The following ERC1 variants were observed in gnomAD, a reference collection of about 807,000 sequenced individuals.
ERC1 encodes the protein RAB6 interacting protein 2.
In ERC1, 56 loss-of-function variants were observed where a neutral mutation model predicts 132.0. The ratio of observed to expected loss-of-function variants is 0.42; its 90% CI spans 0.34 to 0.53. ERC1 has a LOEUF of 0.53. Among genes scored for constraint, ERC1 ranks in the 20% least tolerant of loss-of-function variants. The pLI is 0.03. For missense variants in ERC1, 1,202 were observed against 1,349.9 expected (o/e 0.89, Z 1.72); for synonymous variants, 478 against 476.1 (o/e 1.00, Z -0.05).
chr12:1,282,279 C>T (rs947052878), intron 14 of ERC1, among the ~76,000 whole-genome samples: 2 of 151,982 alleles, frequency 1.3e-5, no homozygotes, highest in Non-Finnish European at 2.9e-5. Flanking sequence ...TGTATGACCT[C>T]GGACAAGGCA....
intron 7 of ERC1, among the ~76,000 whole-genome samples, chr12:1,138,352 AAT>A (rs959834955): frequency 7.0e-6 from 1 of 142,892 alleles, no homozygotes; most frequent in Admixed American, 7.3e-5. Context: ...TATAATATAT[AAT>A]ATATGTTATA....
At chr12:1,180,517 C>A in intron 8 of ERC1, 23 bp from the exon 9 acceptor site, 1 of 1,609,638 alleles carries the variant, frequency 6.2e-7, no homozygotes. Context: ...TCTCTTTTCC[C>A]TTAAATATTT....
In ERC1 at chr12:1,340,808, G is replaced by A. The variant is rs186366527; in HGVS notation, c.2781-31025G>A. On this transcript the variant is annotated intron_variant, in intron 15 of 18. Transcript: ENST00000360905. ...AGAGACAGAGTCTCTCCATATTGCC[G>A]AGGCTCGTTTCCAATTCCTGGGCTC... 9.9e-5 allele frequency among the ~76,000 whole-genome samples: 15 copies of A among 151,922 alleles called. No individual in the cohort carries two copies. The East Asian group carries it at 1.6e-3, about 16-fold the overall frequency.
intron 14 of ERC1, among the ~76,000 whole-genome samples, chr12:1,287,395 C>T (rs1013251925): frequency 6.6e-6 from 1 of 152,196 alleles, no homozygotes; most frequent in Non-Finnish European, 1.5e-5. Context: ...TGACTGGCTA[C>T]GGGGTGCCCG....
At chr12:1,153,570 A>G (rs987965812) in intron 8 of ERC1, among the ~76,000 whole-genome samples, 1 of 152,258 alleles carries the variant, frequency 6.6e-6, no homozygotes, top group Non-Finnish European at 1.5e-5. Context: ...ATCCTGACAT[A>G]TGATTGGTAC....
intron 17 of ERC1, among the ~76,000 whole-genome samples, chr12:1,436,153 CGG>C (rs1237034097): frequency 2.2e-5 from 3 of 135,620 alleles, no homozygotes; most frequent in African/African-American, 1.1e-4. Context: ...TACAGACAGA[CGG>C]ACACACACAC....
intron 2 of ERC1, among the ~76,000 whole-genome samples, chr12:1,059,652 A>G (rs954992211): frequency 2.0e-5 from 3 of 152,042 alleles, no homozygotes; most frequent in Admixed American, 6.6e-5. Flanking sequence ...CGTTTTGTGT[A>G]TGTTGAACCA....
chr12:1,377,043 CTG>C (rs1455938050), intron 16 of ERC1, among the ~76,000 whole-genome samples: 3 of 152,290 alleles, frequency 2.0e-5, no homozygotes, highest in African/African-American at 7.2e-5. Flanking sequence ...TAGTTTTCTA[CTG>C]TGTTATGTGT....
intron 11 of ERC1, among the ~76,000 whole-genome samples, chr12:1,188,135 G>A (rs1354869692): frequency 6.6e-6 from 1 of 152,122 alleles, no homozygotes; most frequent in Non-Finnish European, 1.5e-5. Flanking sequence ...CTTCACTTTT[G>A]TTTACACAAT....
At chr12:1,337,951 T>A (rs928678181) in intron 15 of ERC1, among the ~76,000 whole-genome samples, 6 of 152,214 alleles carry the variant, frequency 3.9e-5, no homozygotes, top group African/African-American at 1.4e-4. Context: ...TACCTTACCC[T>A]CTAGCTGCCT....
At chr12:1,149,293 A>G (rs978493867) in intron 8 of ERC1, among the ~76,000 whole-genome samples, 2 of 152,180 alleles carry the variant, frequency 1.3e-5, no homozygotes, top group Non-Finnish European at 2.9e-5. Flanking sequence ...TATTCTAGCT[A>G]TAGTTTTACT....
intron 7 of ERC1, among the ~76,000 whole-genome samples, chr12:1,119,791 C>T (rs1341612835): frequency 6.6e-6 from 1 of 151,910 alleles, no homozygotes; most frequent in Non-Finnish European, 1.5e-5. Context: ...CTCAGGTGAT[C>T]TGTCCTCCTC....
chr12:1,290,136 T>C (rs2079337853), intron 15 of ERC1, 124 bp downstream of exon 15: 3 of 760,200 alleles, frequency 3.9e-6, no homozygotes, highest in Non-Finnish European at 2.1e-6. Flanking sequence ...CTAACTTGTA[T>C]TTCTCACTCT....
chr12:1,050,094 A>T (rs946280980), intron 2 of ERC1, among the ~76,000 whole-genome samples: 2 of 152,072 alleles, frequency 1.3e-5, no homozygotes, highest in African/African-American at 4.8e-5. Context: ...AAGCAAATGG[A>T]TGTGGGACAA....
intron 2 of ERC1, among the ~76,000 whole-genome samples, chr12:1,081,826 T>C (rs1942237866): frequency 6.6e-6 from 1 of 152,114 alleles, no homozygotes; most frequent in Non-Finnish European, 1.5e-5. Flanking sequence ...TTAAAAGTTG[T>C]TAGGAAAGTA....
intron 2 of ERC1, among the ~76,000 whole-genome samples, chr12:1,041,496 C>G (rs549135571): frequency 6.6e-6 from 1 of 151,928 alleles, no homozygotes; most frequent in East Asian, 1.9e-4. Context: ...CGTGAGCCAC[C>G]GTACCCAGCC....
At chr12:1,330,369 A>T (rs2082773292) in intron 15 of ERC1, among the ~76,000 whole-genome samples, 1 of 151,650 alleles carries the variant, frequency 6.6e-6, no homozygotes, top group African/African-American at 2.4e-5. Context: ...TTTTTTATTG[A>T]CTCCTTGCAA....
chr12:1,360,896 G>A (rs1488266945), intron 15 of ERC1, among the ~76,000 whole-genome samples: 1 of 151,988 alleles, frequency 6.6e-6, no homozygotes, highest in East Asian at 1.9e-4. Flanking sequence ...GGGCCACATG[G>A]TGAAACCCCC....
chr12:1,007,488 C>CTCTCTT (rs1405416684), intron 1 of ERC1, among the ~76,000 whole-genome samples: 1 of 142,204 alleles, frequency 7.0e-6, no homozygotes, highest in East Asian at 2.0e-4. Flanking sequence ...CTCTCTCTCT[C>CTCTCTT]TCTCTTTCTC....
Sources: allele counts gnomAD v4.1 joint callset (sites outside exome capture counted in the v4.1 genomes callset), GRCh38; gene constraint gnomAD v4.1.1; transcripts MANE v1.5; gene names NCBI Gene and HGNC (gene_info 2026-07-23, HGNC 2026-07-21).